Variants in SPATA16 observed in about 807,000 individuals in gnomAD.
SPATA16 encodes spermatogenesis associated 16, also known as spermatogenesis-associated protein 16.
SPATA16 carries 36 observed loss-of-function variants against 63.3 expected under a neutral mutation model. The observed-to-expected ratio is 0.57, with a 90% CI of 0.44 to 0.75. The LOEUF (loss-of-function observed/expected upper bound fraction) is 0.75. Ranked by LOEUF, SPATA16 falls within the 30% of genes least tolerant of loss-of-function variation. The pLI is 0.00. For synonymous variants in SPATA16, 203 were observed against 216.7 expected (o/e 0.94, Z 0.56); for missense variants, 646 against 679.3 (o/e 0.95, Z 0.54).
intron 1 of SPATA16, among the ~76,000 whole-genome samples, chr3:173,126,098 T>C (rs1275814730): frequency 6.6e-6 from 1 of 150,476 alleles, no homozygotes; most frequent in Non-Finnish European, 1.5e-5. Flanking sequence ...ATATTTATGA[T>C]GTGCCTACCC....
chr3:173,048,949 C>G lies in SPATA16; in HGVS notation c.758G>C (p.Arg253Thr). 6.2e-7 allele frequency: 1 copy of G among 1,613,654 alleles called. No homozygotes were observed. Among genetic ancestry groups the G allele is most frequent in the Non-Finnish European group, 8.5e-7 (1 of 1,179,642 alleles). The change falls in exon 3 of 11, where the codon AGG (arginine) becomes ACG (threonine). Residue 253 changes from arginine (R) to threonine (T), a missense_variant and splice_region_variant. Arg to Thr is a moderately conservative substitution (Grantham distance 71). Transcript: ENST00000351008. ...KPDLALNHAH[R>T]SIVLNPAYFR... ...TGCACTTATTAGTATATGATTTTAC[C>G]TGTGTGCATGATTCAGGGCAAGATC...
chr3:172,890,829 G>A (rs774086634), intron 10 of SPATA16, among the ~76,000 whole-genome samples: 2 of 150,482 alleles, frequency 1.3e-5, no homozygotes, highest in South Asian at 4.2e-4. Flanking sequence ...ACTATTTCAG[G>A]TACATTTTTT....
At chr3:173,024,910 T>C (rs1735418672) in intron 3 of SPATA16, among the ~76,000 whole-genome samples, 1 of 150,814 alleles carries the variant, frequency 6.6e-6, no homozygotes, top group South Asian at 2.1e-4. Flanking sequence ...ATTTTTACAA[T>C]AATTTTAGCT....
intron 2 of SPATA16, among the ~76,000 whole-genome samples, chr3:173,114,538 A>T (rs1306128993): frequency 1.3e-5 from 2 of 152,182 alleles, no homozygotes; most frequent in East Asian, 1.9e-4. Context: ...TTAGGAAAGG[A>T]GATATAACCT....
chr3:172,916,203 G>A, intron 9 of SPATA16, 114 bp downstream of exon 9: 2 of 1,279,150 alleles, frequency 1.6e-6, no homozygotes, highest in South Asian at 2.5e-5. Flanking sequence ...TTGGGAGTTT[G>A]CCCTCAGGCT....
At chr3:173,063,991 A>G (rs904409561) in intron 2 of SPATA16, among the ~76,000 whole-genome samples, 4 of 152,170 alleles carry the variant, frequency 2.6e-5, no homozygotes, top group Non-Finnish European at 5.9e-5. Flanking sequence ...TTATGGATAG[A>G]AAAAGGAAGG....
intron 7 of SPATA16, 22 bp downstream of exon 7, chr3:172,925,324 C>T: frequency 6.2e-7 from 1 of 1,613,534 alleles, no homozygotes; most frequent in East Asian, 2.2e-5. Context: ...TATGCTAGAC[C>T]TTGTAGGTTC....
At chr3:172,948,134 A>G (rs1024099410) in intron 6 of SPATA16, among the ~76,000 whole-genome samples, 1 of 152,174 alleles carries the variant, frequency 6.6e-6, no homozygotes, top group African/African-American at 2.4e-5. Context: ...GTACAAGGTT[A>G]TAGAACACCA....
At chr3:172,941,588 T>G (rs972518568) in intron 6 of SPATA16, among the ~76,000 whole-genome samples, 1 of 152,190 alleles carries the variant, frequency 6.6e-6, no homozygotes, top group African/African-American at 2.4e-5. Flanking sequence ...TGAACTGTTA[T>G]CTAAGAACTA....
At chr3:173,041,036 G>A (rs554413528) in intron 3 of SPATA16, among the ~76,000 whole-genome samples, 27 of 152,066 alleles carry the variant, frequency 1.8e-4, no homozygotes, top group South Asian at 8.3e-4. Context: ...TCAAGAATGA[G>A]TTGGAATATT....
intron 2 of SPATA16, among the ~76,000 whole-genome samples, chr3:173,064,289 C>T (rs1460839688): frequency 8.4e-6 from 1 of 119,246 alleles, no homozygotes; most frequent in African/African-American, 3.4e-5. Context: ...GCCTGAGCAA[C>T]AGAGCGAAAC....
intron 2 of SPATA16, among the ~76,000 whole-genome samples, chr3:173,052,163 AG>A (rs1332166839): frequency 6.6e-6 from 1 of 152,172 alleles, no homozygotes; most frequent in African/African-American, 2.4e-5. Flanking sequence ...AGTTTCCATG[AG>A]GACATTCAGG....
intron 10 of SPATA16, among the ~76,000 whole-genome samples, chr3:172,893,752 A>G (rs1283262398): frequency 1.3e-5 from 2 of 152,196 alleles, no homozygotes; most frequent in Non-Finnish European, 2.9e-5. Context: ...CTCTCTTGCC[A>G]CTAATGGCCG....
intron 4 of SPATA16, among the ~76,000 whole-genome samples, chr3:173,004,169 T>A (rs1272236070): frequency 6.6e-6 from 1 of 152,180 alleles, no homozygotes; most frequent in East Asian, 1.9e-4. Flanking sequence ...AAGCCAGTAT[T>A]TTTTAAAAAG....
intron 1 of SPATA16, among the ~76,000 whole-genome samples, chr3:173,136,775 G>A (rs777646247): frequency 2.6e-5 from 4 of 152,148 alleles, no homozygotes; most frequent in Non-Finnish European, 4.4e-5. Context: ...CGCAGGCTCA[G>A]CCTTACCTCA....
chr3:173,101,451 C>T (rs1737492278), intron 2 of SPATA16, among the ~76,000 whole-genome samples: 1 of 152,172 alleles, frequency 6.6e-6, no homozygotes, highest in Admixed American at 6.5e-5. Context: ...GTCTCTGTCA[C>T]ATGGAGGTTT....
intron 2 of SPATA16, among the ~76,000 whole-genome samples, chr3:173,091,149 C>T (rs1177058301): frequency 1.3e-5 from 2 of 152,124 alleles, no homozygotes; most frequent in African/African-American, 4.8e-5. Context: ...TCTGACCTAG[C>T]TCCTTTTTTA....
chr3:173,127,895 A>T (rs1375182211), intron 1 of SPATA16, among the ~76,000 whole-genome samples: 4 of 152,208 alleles, frequency 2.6e-5, no homozygotes, highest in Non-Finnish European at 4.4e-5. Flanking sequence ...TTTAGCATCC[A>T]CTGATGATTC....
intron 3 of SPATA16, among the ~76,000 whole-genome samples, chr3:173,035,412 A>G (rs906719553): frequency 5.9e-5 from 9 of 152,124 alleles, no homozygotes; most frequent in African/African-American, 2.2e-4. Flanking sequence ...AGAAAATTCA[A>G]ACTGGGAGAG....
Sources: gnomAD v4.1 joint callset for allele counts (sites outside exome capture counted in the v4.1 genomes callset) on GRCh38, gnomAD v4.1.1 for gene constraint, MANE v1.5 for transcripts, NCBI Gene and HGNC (gene_info 2026-07-23, HGNC 2026-07-21) for gene names.